The following GPM6B variants were observed in gnomAD, a reference collection of about 807,000 sequenced individuals.
GPM6B encodes neuronal membrane glycoprotein M6-b.
Under a neutral mutation model 27.2 loss-of-function variants are expected in GPM6B, and 4 were observed. The ratio of observed to expected loss-of-function variants is 0.15; its 90% CI spans 0.07 to 0.34. The LOEUF (loss-of-function observed/expected upper bound fraction) is 0.34, where lower values mean the gene tolerates loss of function less well. Among genes scored for constraint, GPM6B ranks in the 10% least tolerant of loss-of-function variants. The pLI is 1.00. For synonymous variants in GPM6B, 124 were observed against 103.1 expected (o/e 1.20, Z -1.23); for missense variants, 183 against 261.9 (o/e 0.70, Z 2.08).
chrX:13,923,989 G>C (rs1209544231), intron 1 of GPM6B, among the ~76,000 whole-genome samples: 2 of 112,269 alleles, frequency 1.8e-5, no homozygotes, highest in African/African-American at 6.5e-5. Context: ...CCTCCACTGA[G>C]TGGCACTGTG....
At chrX:13,796,684 C>T (rs2048822397) in intron 2 of GPM6B, among the ~76,000 whole-genome samples, 1 of 112,285 alleles carries the variant, frequency 8.9e-6, no homozygotes, top group Non-Finnish European at 1.9e-5. Flanking sequence ...CACTTTTTGG[C>T]AGGTCCTTTT....
chrX:13,809,105 T>C (rs916618830), intron 1 of GPM6B, among the ~76,000 whole-genome samples: 25 of 111,812 alleles, frequency 2.2e-4, no homozygotes, highest in Non-Finnish European at 3.8e-4. Flanking sequence ...TTATTACATT[T>C]GTCACAACCA....
At chrX:13,842,600 C>G (rs1018436118) in intron 1 of GPM6B, among the ~76,000 whole-genome samples, 6 of 111,155 alleles carry the variant, frequency 5.4e-5, no homozygotes, top group Non-Finnish European at 9.4e-5. Context: ...AGATCTGTGG[C>G]CAGACCTGGT....
At chrX:13,888,860 G>A (rs776508435) in intron 1 of GPM6B, 6 of 112,249 alleles carry the variant, frequency 5.3e-5, no homozygotes, top group African/African-American at 1.9e-4. Context: ...TCTGCCTCCA[G>A]AAATATACAA....
chrX:13,815,636 TA>T (rs942176233), intron 1 of GPM6B, among the ~76,000 whole-genome samples: 2 of 111,757 alleles, frequency 1.8e-5, no homozygotes, highest in African/African-American at 6.5e-5. Flanking sequence ...GTGTGATACC[TA>T]AAAAAATTAA....
chrX:13,776,421 A>AG (rs2048413974), intron 6 of GPM6B, 118 bp from the exon 7 acceptor site: 2 of 540,885 alleles, frequency 3.7e-6, no homozygotes, highest in Non-Finnish European at 6.0e-6. Flanking sequence ...GACTGGGCAC[A>AG]GGCCTGCCTT....
upstream of GPM6B, among the ~76,000 whole-genome samples, chrX:13,817,557 T>C (rs1039274233): frequency 2.7e-5 from 3 of 112,479 alleles, no homozygotes; most frequent in Non-Finnish European, 5.6e-5. Context: ...ATGTATCAGT[T>C]TATTTCATTT....
At chrX:13,855,825 T>C (rs1165057264) in intron 1 of GPM6B, among the ~76,000 whole-genome samples, 1 of 111,718 alleles carries the variant, frequency 9.0e-6, no homozygotes, top group East Asian at 2.8e-4. Flanking sequence ...CTAAACCCCA[T>C]GGCACAGCCT....
At chrX:13,817,299 C>T (rs1432861983), upstream of GPM6B, 2 of 767,054 alleles carry the variant, frequency 2.6e-6, 1 homozygote, top group African/African-American at 4.6e-5. Flanking sequence ...ATCTCAATCT[C>T]GATCTCTCTC....
Position 13,772,139 on chromosome X carries a change from CAAG to C in GPM6B, c.*739_*741del, listed in dbSNP as rs1257760958. ...TCATTAAGGCAAAGCTGACATTTCT[CAAG>C]AATAATGAAAATTGGATCAGTATTT... On this transcript the variant is annotated 3_prime_UTR_variant, in exon 8 of 8. Coordinates refer to ENST00000316715, the MANE Select transcript of GPM6B (RefSeq NM_001001995.3). The C allele has an allele frequency of 1.8e-5, 2 of 112,319 alleles. No homozygotes were observed. Among genetic ancestry groups the C allele is most frequent in the East Asian group, 5.5e-4 (2 of 3,613 alleles). 9.3% of individuals were successfully genotyped at this position (112,319 alleles called of 1,213,427 possible).
At chrX:13,937,390 T>C (rs1794699360) in intron 1 of GPM6B, among the ~76,000 whole-genome samples, 1 of 111,437 alleles carries the variant, frequency 9.0e-6, no homozygotes, top group South Asian at 3.8e-4. Context: ...ACACAATTAA[T>C]AGCAAAGATA....
intron 2 of GPM6B, among the ~76,000 whole-genome samples, chrX:13,797,694 G>C (rs1183942761): frequency 9.0e-6 from 1 of 111,335 alleles, no homozygotes; most frequent in Non-Finnish European, 1.9e-5. Flanking sequence ...TCTGGCACTG[G>C]TGTGTGGGCT....
In GPM6B at chrX:13,790,537, C is replaced by T. The variant is rs570712709; in HGVS notation, c.182-4729G>A. ...TTTCTAGTCAACAGTGGCATCTTCCCGGTCTCAGGTGTGGCATCCTGAGTC... is the reference window on the plus strand; with the variant it reads ...TTTCTAGTCAACAGTGGCATCTTCCTGGTCTCAGGTGTGGCATCCTGAGTC... On this transcript the variant is annotated intron_variant, in intron 2 of 7. Transcript: ENST00000316715. 1.7e-4 allele frequency among the ~76,000 whole-genome samples: 19 copies of T among 111,474 alleles called. No homozygotes were observed. The South Asian group carries it at 6.7e-3, about 39-fold the overall frequency.
At chrX:13,775,757 T>TC (rs1373916967) in intron 7 of GPM6B, among the ~76,000 whole-genome samples, 1 of 112,557 alleles carries the variant, frequency 8.9e-6, no homozygotes, top group Non-Finnish European at 1.9e-5. Context: ...GCCATGTATT[T>TC]CCCCTAGGAG....
chrX:13,780,041 G>A (rs1174980505), intron 4 of GPM6B, 52 bp from the exon 5 acceptor site: 5 of 1,017,514 alleles, frequency 4.9e-6, no homozygotes, highest in Non-Finnish European at 6.7e-6. Context: ...GTAGATGTGT[G>A]TCCCCTAAGT....
At chrX:13,775,868 C>T (rs907815458) in intron 7 of GPM6B, among the ~76,000 whole-genome samples, 6 of 112,205 alleles carry the variant, frequency 5.3e-5, no homozygotes, top group Non-Finnish European at 1.1e-4. Flanking sequence ...GTGCATATCT[C>T]CACTTGTAAA....
intron 1 of GPM6B, among the ~76,000 whole-genome samples, chrX:13,856,147 AATC>A (rs1345369489): frequency 8.9e-6 from 1 of 112,006 alleles, no homozygotes; most frequent in Non-Finnish European, 1.9e-5. Flanking sequence ...ATCATTATTA[AATC>A]ATCTTCTGTC....
chrX:13,933,199 C>T (rs1038916316), intron 1 of GPM6B, among the ~76,000 whole-genome samples: 26 of 111,612 alleles, frequency 2.3e-4, no homozygotes, highest in Admixed American at 6.7e-4. Flanking sequence ...CCAATCATTC[C>T]AATGAACATT....
intron 1 of GPM6B, among the ~76,000 whole-genome samples, chrX:13,873,595 A>G (rs1208854450): frequency 8.9e-6 from 1 of 111,845 alleles, no homozygotes; most frequent in Non-Finnish European, 1.9e-5. Context: ...TAAAAGAGGG[A>G]TGACTACATC....
Sources: gnomAD v4.1 joint callset for allele counts (sites outside exome capture counted in the v4.1 genomes callset) on GRCh38, gnomAD v4.1.1 for gene constraint, MANE v1.5 for transcripts, NCBI Gene and HGNC (gene_info 2026-07-23, HGNC 2026-07-21) for gene names.